CELF4: variants seen among roughly 807,000 people sequenced by gnomAD.
CELF4 encodes the protein CUG-BP- and ETR-3-like factor 4.
A neutral mutation model predicts 59.9 loss-of-function variants in CELF4; 18 were observed. The ratio of observed to expected loss-of-function variants is 0.30; its 90% confidence interval spans 0.21 to 0.45. CELF4 has a LOEUF of 0.45. Ranked by LOEUF, CELF4 falls within the 20% of genes least tolerant of loss-of-function variation. The probability of loss-of-function intolerance (pLI) is 1.00; values close to 1 mark genes in which losing one functional copy is unlikely to be tolerated. For missense variants in CELF4, 456 were observed against 689.0 expected (o/e 0.66, Z 3.79); for synonymous variants, 261 against 267.1 (o/e 0.98, Z 0.22).
intron 1 of CELF4, among the ~76,000 whole-genome samples, chr18:37,513,767 A>G (rs1489325725): frequency 1.3e-5 from 2 of 152,048 alleles, no homozygotes; most frequent in Non-Finnish European, 2.9e-5. Flanking sequence ...TCCAACCTGT[A>G]CTTTCAGGCC....
chr18:37,471,820 G>A (rs1436398193), intron 2 of CELF4, among the ~76,000 whole-genome samples: 2 of 152,226 alleles, frequency 1.3e-5, no homozygotes, highest in African/African-American at 4.8e-5. Context: ...AACACTTACT[G>A]AATTGAATTA....
intron 8 of CELF4, 42 bp from the exon 9 acceptor site, chr18:37,266,640 C>A (rs1214925126): frequency 1.3e-6 from 2 of 1,488,434 alleles, no homozygotes; most frequent in Admixed American, 3.9e-5. Flanking sequence ...GTGCCCACCA[C>A]ACTGGCCCTT....
intron 3 of CELF4, among the ~76,000 whole-genome samples, chr18:37,277,536 G>C (rs1041729390): frequency 2.6e-5 from 4 of 152,214 alleles, no homozygotes; most frequent in African/African-American, 9.6e-5. Flanking sequence ...CAGAAAGGGA[G>C]TGGGGGAGAG....
intron 1 of CELF4, among the ~76,000 whole-genome samples, chr18:37,522,231 A>G (rs975188341): frequency 3.3e-5 from 5 of 152,054 alleles, no homozygotes; most frequent in African/African-American, 1.2e-4. Context: ...GCAACACGCA[A>G]TGCTCCTTCC....
Position 37,266,558 on chromosome 18 carries a change from G to A in CELF4, c.1140C>T (p.Tyr380=), listed in dbSNP as rs751698326. The change falls in exon 9 of 13, where the codon TAC becomes TAT. Residue 380 remains tyrosine, a synonymous_variant. Transcript: ENST00000420428. ...PTAADPLQQA[Y]AGVQQYAGPA... is the part of the protein sequence containing the mutation. ...GACCTGCATACTGCTGCACTCCGGCGTAGGCCTGCTGCAGGGGGTCCGCGG... is the reference window on the plus strand; with the variant it reads ...GACCTGCATACTGCTGCACTCCGGCATAGGCCTGCTGCAGGGGGTCCGCGG... 78 of 1,597,450 alleles carry A rather than the reference G, an allele frequency of 4.9e-5. No homozygotes were observed. Among genetic ancestry groups the A allele is most frequent in the Middle Eastern group, 1.9e-4 (1 of 5,304 alleles).
chr18:37,490,263 G>C (rs2099896849), intron 1 of CELF4, among the ~76,000 whole-genome samples: 1 of 152,104 alleles, frequency 6.6e-6, no homozygotes, highest in Non-Finnish European at 1.5e-5. Flanking sequence ...CTGAAAACAG[G>C]GAGTACGGGG....
chr18:37,263,392 G>T (rs2075882501), intron 10 of CELF4, among the ~76,000 whole-genome samples: 1 of 152,102 alleles, frequency 6.6e-6, no homozygotes, highest in South Asian at 2.1e-4. Flanking sequence ...ACATCGGAGG[G>T]CTCCAGGACA....
chr18:37,526,850 G>A (rs551267837), intron 1 of CELF4, among the ~76,000 whole-genome samples: 122 of 144,324 alleles, frequency 8.5e-4, no homozygotes, highest in African/African-American at 2.9e-3. Flanking sequence ...TGGGACCTTG[G>A]GTAAGTCACG....
intron 1 of CELF4, among the ~76,000 whole-genome samples, chr18:37,561,388 C>G (rs1042231980): frequency 1.3e-5 from 2 of 152,146 alleles, no homozygotes; most frequent in African/African-American, 2.4e-5. Context: ...TTGGGGACAG[C>G]CTTATGTTTA....
rs397692958 is a variant in CELF4, at chr18:37,272,572, G to GAAAAAA, written c.949+438_949+443dup. Among the ~76,000 whole-genome samples, 129 of 104,240 alleles carry GAAAAAA rather than the reference G, an allele frequency of 1.2e-3. 1 individual carries two copies. Among genetic ancestry groups the GAAAAAA allele is most frequent in the Non-Finnish European group, 1.7e-3 (89 of 52,418 alleles). The allele number at this position is 104,240 out of a possible 152,430, so 68.4% of individuals were successfully genotyped here. A position where few individuals can be genotyped will look rare whatever the true frequency, so the allele number is the denominator to read the frequency against. ...AGTCTAGATTGGGTTAAAGGGAAAT[G>GAAAAAA]AAAAAAAAAAAAAAAAAAAAAAGAC... is the stretch of plus-strand genomic sequence containing the variant. On this transcript the variant is annotated intron_variant, in intron 7 of 12. Transcript: ENST00000420428.
chr18:37,266,240 T>C, intron 9 of CELF4: 1 of 533,880 alleles, frequency 1.9e-6, no homozygotes, highest in East Asian at 3.3e-5. Flanking sequence ...GGAAGCTCCA[T>C]GGGGAAGGGA....
At chr18:37,315,381 T>C (rs948122782) in intron 3 of CELF4, among the ~76,000 whole-genome samples, 1 of 152,018 alleles carries the variant, frequency 6.6e-6, no homozygotes, top group Non-Finnish European at 1.5e-5. Context: ...TTCCCAGGAC[T>C]CTCCTCCCAA....
At chr18:37,480,235 C>T (rs963516708) in intron 2 of CELF4, among the ~76,000 whole-genome samples, 1 of 152,126 alleles carries the variant, frequency 6.6e-6, no homozygotes, top group Non-Finnish European at 1.5e-5. Flanking sequence ...TGCAGAGAAA[C>T]AGAAGGTGGC....
chr18:37,546,398 A>G (rs1345633930), intron 1 of CELF4, among the ~76,000 whole-genome samples: 1 of 152,068 alleles, frequency 6.6e-6, no homozygotes, highest in Non-Finnish European at 1.5e-5. Flanking sequence ...GCGCACACAC[A>G]CACACACACA....
intron 1 of CELF4, among the ~76,000 whole-genome samples, chr18:37,508,350 G>A (rs1211966405): frequency 1.3e-5 from 2 of 152,136 alleles, no homozygotes; most frequent in African/African-American, 4.8e-5. Context: ...GCAGAGGCAG[G>A]AGGGTGACTC....
chr18:37,441,024 A>G (rs1011666852), intron 2 of CELF4, among the ~76,000 whole-genome samples: 4 of 152,216 alleles, frequency 2.6e-5, no homozygotes, highest in Non-Finnish European at 5.9e-5. Context: ...CGTTACTACC[A>G]CCACAACCGT....
At chr18:37,470,875 T>TACA (rs2099819642) in intron 2 of CELF4, among the ~76,000 whole-genome samples, 8 of 102,122 alleles carry the variant, frequency 7.8e-5, no homozygotes, top group Middle Eastern at 5.2e-3. Flanking sequence ...TGTGTGTGTG[T>TACA]GTGTGTGTGT....
At chr18:37,283,215 T>C (rs1037566424) in intron 3 of CELF4, among the ~76,000 whole-genome samples, 5 of 151,638 alleles carry the variant, frequency 3.3e-5, no homozygotes, top group African/African-American at 4.8e-5. Context: ...CCCTCCTCCT[T>C]CTACCCTGAG....
chr18:37,290,455 A>AG (rs1569536428), intron 3 of CELF4, among the ~76,000 whole-genome samples: 1 of 152,184 alleles, frequency 6.6e-6, no homozygotes, highest in Non-Finnish European at 1.5e-5. Flanking sequence ...ACATCTGTCA[A>AG]GGGGGGCACT....
Sources: gnomAD v4.1 joint callset for allele counts (sites outside exome capture counted in the v4.1 genomes callset) on GRCh38, gnomAD v4.1.1 for gene constraint, MANE v1.5 for transcripts, NCBI Gene and HGNC (gene_info 2026-07-23, HGNC 2026-07-21) for gene names.